NRP2: variants seen among roughly 807,000 people sequenced by gnomAD.
The protein encoded by NRP2 is neuropilin 2, also known as neuropilin-2.
In NRP2, 52 loss-of-function variants were observed where a neutral mutation model predicts 110.4. That is an observed-to-expected ratio of 0.47 (90% CI 0.38 to 0.59). The LOEUF is 0.59. Ranked by LOEUF, NRP2 falls within the 20% of genes least tolerant of loss-of-function variation. The pLI is 0.00. For missense variants in NRP2, 1,049 were observed against 1,203.0 expected, an observed-to-expected ratio of 0.87 and a Z score of 1.89; for synonymous variants, 508 against 468.9, an observed-to-expected ratio of 1.08 and a Z score of -1.08.
chr2:205,764,314 G>C (rs2057875636), intron 13 of NRP2: 1 of 260,004 alleles, frequency 3.8e-6, no homozygotes. Flanking sequence ...GAGGAAATAG[G>C]ATAATCTCCC....
chr2:205,742,427 A>C (rs536655653), intron 8 of NRP2, among the ~76,000 whole-genome samples: 1 of 152,378 alleles, frequency 6.6e-6, no homozygotes, highest in East Asian at 1.9e-4. Context: ...GAATGTGCAC[A>C]TGAAGGAAAA....
At chr2:205,702,904 C>T (rs1468517377) in intron 2 of NRP2, among the ~76,000 whole-genome samples, 1 of 152,218 alleles carries the variant, frequency 6.6e-6, no homozygotes, top group Non-Finnish European at 1.5e-5. Context: ...AGTTTCCTTG[C>T]TTCCTGCAGT....
At chr2:205,734,170 TTATA>T (rs61142559) in intron 7 of NRP2, among the ~76,000 whole-genome samples, 5 of 149,354 alleles carry the variant, frequency 3.3e-5, no homozygotes, top group Non-Finnish European at 3.0e-5. Flanking sequence ...CTCTCTGTGT[TTATA>T]TATATATATA....
intron 4 of NRP2, among the ~76,000 whole-genome samples, chr2:205,722,935 G>C (rs1004965218): frequency 3.3e-5 from 5 of 152,300 alleles, no homozygotes; most frequent in African/African-American, 1.2e-4. Flanking sequence ...AGACTAAATA[G>C]ATACTTGGAA....
intron 16 of NRP2, among the ~76,000 whole-genome samples, chr2:205,793,572 A>G (rs2058324313): frequency 6.6e-6 from 1 of 152,286 alleles, no homozygotes; most frequent in Admixed American, 6.5e-5. Flanking sequence ...ACATGTGGAC[A>G]GGGTTGGTTC....
chr2:205,766,648 GC>G, intron 14 of NRP2, 134 bp from the exon 15 acceptor site: 2 of 757,294 alleles, frequency 2.6e-6, no homozygotes, highest in Non-Finnish European at 4.7e-6. Context: ...AAGATGGGGG[GC>G]CCTCTCCATG....
intron 3 of NRP2, among the ~76,000 whole-genome samples, chr2:205,720,416 A>G (rs769832035): frequency 1.1e-4 from 16 of 152,226 alleles, no homozygotes; most frequent in South Asian, 6.2e-4. Flanking sequence ...TCGTGGAAGC[A>G]CTTGTGCCCT....
chr2:205,693,484 G>A (rs1337668087), intron 1 of NRP2, among the ~76,000 whole-genome samples: 6 of 151,412 alleles, frequency 4.0e-5, no homozygotes, highest in Non-Finnish European at 7.4e-5. Flanking sequence ...TCCCTTTTAT[G>A]TTCTTTGTAC....
chr2:205,798,079 A>G lies in NRP2; in HGVS notation c.*3021A>G, dbSNP rs1244343726. On this transcript the variant is annotated 3_prime_UTR_variant, in exon 17 of 17. Coordinates refer to ENST00000357785, the MANE Select transcript of NRP2 (RefSeq NM_003872.3). ...AACAATGTCAAACTGTGTTTATATGATTTGTATAAAGCCTTTTTAAGATTA... is the reference window on the plus strand; with the variant it reads ...AACAATGTCAAACTGTGTTTATATGGTTTGTATAAAGCCTTTTTAAGATTA... 1 of 152,108 alleles carries G rather than the reference A, an allele frequency of 6.6e-6. No homozygotes were observed. The highest frequency in any genetic ancestry group is 1.5e-5 in the Non-Finnish European group (1 of 67,952). 9.4% of individuals were successfully genotyped at this position (152,108 alleles called of 1,614,324 possible).
chr2:205,744,609 C>T (rs1422327833), intron 9 of NRP2, among the ~76,000 whole-genome samples: 1 of 152,214 alleles, frequency 6.6e-6, no homozygotes, highest in African/African-American at 2.4e-5. Flanking sequence ...CCTGGCAGGC[C>T]AGGCTCTCTG....
chr2:205,715,368 A>G (rs1279700849), intron 2 of NRP2, among the ~76,000 whole-genome samples: 1 of 152,154 alleles, frequency 6.6e-6, no homozygotes, highest in Non-Finnish European at 1.5e-5. Context: ...ACAGGCCTCC[A>G]CTTCAGGAGG....
In NRP2 at chr2:205,795,128, T is replaced by C; in HGVS notation, c.*70T>C. 1 of 1,449,186 alleles carries C rather than the reference T, an allele frequency of 6.9e-7. No homozygotes were observed. The highest frequency in any genetic ancestry group is 9.5e-7 in the Non-Finnish European group (1 of 1,050,424). The allele number at this position is 1,449,186 out of a possible 1,614,324, so 89.8% of individuals were successfully genotyped here. On this transcript the variant is annotated 3_prime_UTR_variant, in exon 17 of 17. Transcript: ENST00000357785. ...GGGCTGGGGAAGATTACATTTTTTT[T>C]TCCTTTGGAAACTGAATGCCATAAT...
chr2:205,737,062 G>T, intron 7 of NRP2, among the ~76,000 whole-genome samples: 1 of 152,200 alleles, frequency 6.6e-6, no homozygotes, highest in East Asian at 1.9e-4. Flanking sequence ...ATTGCACTTT[G>T]ATATCTTTGG....
chr2:205,719,241 G>T (rs1241598081), intron 3 of NRP2, among the ~76,000 whole-genome samples: 1 of 152,146 alleles, frequency 6.6e-6, no homozygotes, highest in Non-Finnish European at 1.5e-5. Flanking sequence ...CCATACAGAG[G>T]GCTCTAGAAG....
intron 1 of NRP2, among the ~76,000 whole-genome samples, chr2:205,691,085 T>C (rs1473161055): frequency 1.3e-5 from 2 of 152,194 alleles, no homozygotes; most frequent in Non-Finnish European, 2.9e-5. Flanking sequence ...CACTTCTTAA[T>C]TGGTTAATTC....
chr2:205,773,584 T>C (rs77157536), intron 15 of NRP2, among the ~76,000 whole-genome samples: 1,797 of 152,292 alleles, frequency 0.012, 44 homozygotes, highest in African/African-American at 0.041. Context: ...TGAGAGACTA[T>C]GTCTGTGTCT....
chr2:205,696,046 G>T (rs1455805672), intron 1 of NRP2, among the ~76,000 whole-genome samples: 1 of 152,202 alleles, frequency 6.6e-6, no homozygotes, highest in Non-Finnish European at 1.5e-5. Flanking sequence ...AGTAGGAAAT[G>T]GACCTGAATT....
chr2:205,691,768 AAG>A (rs1227231334), intron 1 of NRP2, among the ~76,000 whole-genome samples: 2 of 152,230 alleles, frequency 1.3e-5, no homozygotes, highest in Non-Finnish European at 2.9e-5. Context: ...AGGGCTGGAA[AAG>A]AGAGGACATA....
At chr2:205,749,130 G>C (rs532625761) in intron 10 of NRP2, among the ~76,000 whole-genome samples, 1 of 152,292 alleles carries the variant, frequency 6.6e-6, no homozygotes, top group Non-Finnish European at 1.5e-5. Flanking sequence ...CAGTCTGCTG[G>C]AGCCAGTCAT....
Sources: gnomAD v4.1 joint callset for allele counts (sites outside exome capture counted in the v4.1 genomes callset) on GRCh38, gnomAD v4.1.1 for gene constraint, MANE v1.5 for transcripts, NCBI Gene and HGNC (gene_info 2026-07-23, HGNC 2026-07-21) for gene names.